The following MCOLN1 variants were observed in gnomAD, a reference collection of about 807,000 sequenced individuals.
MCOLN1 encodes the protein mucolipin TRP cation channel 1.
Under a neutral mutation model 70.3 loss-of-function variants are expected in MCOLN1, and 50 were observed. The observed-to-expected ratio is 0.71, with a 90% CI of 0.57 to 0.90. MCOLN1 has a LOEUF of 0.90. Ranked by LOEUF, MCOLN1 falls within the 40% of genes least tolerant of loss-of-function variation. MCOLN1 has a pLI of 0.00. For synonymous variants in MCOLN1, 366 were observed against 341.0 expected (o/e 1.07, Z -0.81); for missense variants, 598 against 803.5 (o/e 0.74, Z 3.09).
intron 12 of MCOLN1, among the ~76,000 whole-genome samples, chr19:7,532,262 T>C (rs1370888713): frequency 6.6e-6 from 1 of 152,170 alleles, no homozygotes; most frequent in African/African-American, 2.4e-5. Context: ...AGACATCCCA[T>C]GACCAATGAC....
chr19:7,529,501 G>GGGGCCCC, intron 10 of MCOLN1, 89 bp from the exon 11 acceptor site: 10 of 747,246 alleles, frequency 1.3e-5, no homozygotes, highest in East Asian at 2.9e-5. Context: ...CCTCGGCAAG[G>GGGGCCCC]CCCCGCCCCT....
chr19:7,529,438 T>G, intron 10 of MCOLN1, 152 bp from the exon 11 acceptor site: 1 of 1,047,410 alleles, frequency 9.5e-7, no homozygotes, highest in East Asian at 2.6e-5. Context: ...CCCTCAGACG[T>G]GGCCACGCCC....
chr19:7,528,928 C>G lies in MCOLN1; in HGVS notation c.1092C>G (p.Leu364=). 1 of 1,614,148 alleles carries G rather than the reference C, an allele frequency of 6.2e-7. No individual in the cohort carries two copies. Among genetic ancestry groups the G allele is most frequent in the Non-Finnish European group, 8.5e-7 (1 of 1,180,026 alleles). Residue 364 remains leucine, a synonymous_variant, in exon 9 of 14, where the codon CTC becomes CTG. Transcript: ENST00000264079. This position sits in a 1 kb window ranked among gnomAD's most constrained non-coding sequence, Gnocchi z 4.2. The stretch of plus-strand genomic sequence containing the variant: ...TCCTGCTCGTCACCAGCGATGTGCT[C>G]ACCATCTCGGGCACCATCATGAAGA... ...WYILLVTSDV[L]TISGTIMKIG...
rs530169769 is a variant in MCOLN1, at chr19:7,530,474, C to A, written c.1548C>A (p.Leu516=). The A allele has an allele frequency of 1.2e-6, 2 of 1,611,534 alleles. No homozygotes were observed. The highest frequency in any genetic ancestry group is 2.2e-5 in the South Asian group (2 of 91,082). The change falls in exon 12 of 14, where the codon CTC becomes CTA. Residue 516 remains leucine, a synonymous_variant. Coordinates refer to ENST00000264079, the MANE Select transcript of MCOLN1 (RefSeq NM_020533.3). ...IYMVLSLFIA[L]ITGAYDTIKH... Reference sequence around the variant, plus strand: ...TGGTGCTCAGCCTCTTCATCGCGCTCATCACCGGCGCCTACGACACCATCA... The same window carrying A: ...TGGTGCTCAGCCTCTTCATCGCGCTAATCACCGGCGCCTACGACACCATCA...
At position 7,526,397 on chromosome 19, in the gene MCOLN1, C is replaced by T. The variant is rs769956577; in HGVS notation, c.238-42C>T. ...GTGCCCTGAGGGAGATACACCCCAA[C>T]CCCCATCCTAGCCATGCCAACCTCT... On this transcript the variant is annotated intron_variant, in intron 2 of 13. Transcript: ENST00000264079. This position sits in a 1 kb window ranked among gnomAD's most constrained non-coding sequence, Gnocchi z 4.6. 9 of 1,612,422 alleles carry T rather than the reference C, an allele frequency of 5.6e-6. No homozygotes were observed. Among genetic ancestry groups the T allele is most frequent in the Middle Eastern group, 1.6e-4 (1 of 6,080 alleles).
Position 7,528,111 on chromosome 19 carries a change from G to A in MCOLN1, c.778-47G>A. On this transcript the variant is annotated intron_variant, in intron 6 of 13. Coordinates refer to ENST00000264079, the MANE Select transcript of MCOLN1 (RefSeq NM_020533.3). This position sits in a 1 kb window ranked among gnomAD's most constrained non-coding sequence, Gnocchi z 4.2. ...AGGCCACCTGTCATGTGGACCTTGG[G>A]GCTTGGGGCTGCCAAGGTTTACTCT... 1.3e-6 allele frequency: 2 copies of A among 1,596,208 alleles called. No individual in the cohort carries two copies. The highest frequency in any genetic ancestry group is 1.7e-6 in the Non-Finnish European group (2 of 1,163,842).
chr19:7,524,645 A>T lies in MCOLN1; in HGVS notation c.32-316A>T, dbSNP rs2022540619. Among the ~76,000 whole-genome samples, 1 of 152,124 alleles carries T rather than the reference A, an allele frequency of 6.6e-6. No homozygotes were observed. Among genetic ancestry groups the T allele is most frequent in the Non-Finnish European group, 1.5e-5 (1 of 68,016 alleles). ...AATGCTTCATAAGCATCCAGTCCTT[A>T]GCGTTCCCATGAGACATATTATTGC... On this transcript the variant is annotated intron_variant, in intron 1 of 13. Coordinates refer to ENST00000264079, the MANE Select transcript of MCOLN1 (RefSeq NM_020533.3). This position sits in a 1 kb window ranked among gnomAD's most constrained non-coding sequence, Gnocchi z 4.1.
At chr19:7,531,750 C>T (rs2022655907) in intron 12 of MCOLN1, among the ~76,000 whole-genome samples, 1 of 152,126 alleles carries the variant, frequency 6.6e-6, no homozygotes, top group Admixed American at 6.5e-5. Flanking sequence ...TCACTGCAAC[C>T]TCTGCCTCCC....
chr19:7,527,804 C>T (rs767208769), intron 5 of MCOLN1, 60 bp from the exon 6 acceptor site: 1 of 1,380,106 alleles, frequency 7.2e-7, no homozygotes, highest in East Asian at 2.3e-5. Flanking sequence ...GGGACGCTGG[C>T]ACTTGGGGCC....
At chr19:7,533,486 C>A in intron 12 of MCOLN1, 37 bp from the exon 13 acceptor site, 1 of 1,608,972 alleles carries the variant, frequency 6.2e-7, no homozygotes, top group African/African-American at 1.3e-5. Context: ...AGGTTGGGAG[C>A]CACTTTCAGG....
At chr19:7,523,417 G>C (rs751358416) in intron 1 of MCOLN1, among the ~76,000 whole-genome samples, 6 of 152,222 alleles carry the variant, frequency 3.9e-5, no homozygotes, top group Non-Finnish European at 8.8e-5. Context: ...CAGCTAGTAG[G>C]GTCTGGGGTG....
At position 7,525,475 on chromosome 19, in the gene MCOLN1, A is replaced by G; in HGVS notation, c.237+309A>G. On this transcript the variant is annotated intron_variant, in intron 2 of 13. Coordinates refer to ENST00000264079, the MANE Select transcript of MCOLN1 (RefSeq NM_020533.3). The surrounding 1 kb of genome is among the most constrained non-coding windows in gnomAD (Gnocchi z 4.2). ...GCCACTGCACTCCAGCCTGGGCAAC[A>G]GAGCAAGACTGTCTCAAAAAAAAAA... 5.9e-6 allele frequency: 2 copies of G among 339,932 alleles called. 1 individual carries two copies. The highest frequency in any genetic ancestry group is 4.7e-5 in the South Asian group (2 of 42,208). The allele number at this position is 339,932 out of a possible 1,614,324, so 21.1% of individuals were successfully genotyped here. A position where few individuals can be genotyped will look rare whatever the true frequency, so the allele number is the denominator to read the frequency against.
At chr19:7,522,810 C>A in intron 1 of MCOLN1, 29 bp downstream of exon 1, 1 of 1,318,386 alleles carries the variant, frequency 7.6e-7, no homozygotes, top group South Asian at 2.1e-5. Context: ...CCGTGGGGCC[C>A]CGAACTCAGG....
chr19:7,527,813 C>T, intron 5 of MCOLN1, 51 bp from the exon 6 acceptor site: 1 of 1,447,530 alleles, frequency 6.9e-7, no homozygotes, highest in Non-Finnish European at 9.7e-7. Context: ...GCACTTGGGG[C>T]CGGAAGGGAC....
Position 7,533,730 on chromosome 19 carries a change from C to T in MCOLN1, c.1707-29C>T, listed in dbSNP as rs762553982. 13 of 1,614,054 alleles carry T rather than the reference C, an allele frequency of 8.1e-6. No homozygotes were observed. In the Admixed American group the frequency reaches 2.2e-4, roughly 27 times the overall value. On this transcript the variant is annotated intron_variant, in intron 13 of 13. Transcript: ENST00000264079. Reference sequence around the variant, plus strand: ...AGGGGAGCGAGCCAGAGAAAACTGACGCCCCTCTTCCCTGCTTCCTTCCTC... The same window carrying T: ...AGGGGAGCGAGCCAGAGAAAACTGATGCCCCTCTTCCCTGCTTCCTTCCTC...
chr19:7,523,027 G>A (rs2022517315), intron 1 of MCOLN1, among the ~76,000 whole-genome samples: 1 of 152,116 alleles, frequency 6.6e-6, no homozygotes, highest in African/African-American at 2.4e-5. Flanking sequence ...CGGGCCGCCA[G>A]CTTCTCCCTC....
In MCOLN1 at chr19:7,525,534, G is replaced by T. The variant is rs2022556963; in HGVS notation, c.237+368G>T. On this transcript the variant is annotated intron_variant, in intron 2 of 13. Coordinates refer to ENST00000264079, the MANE Select transcript of MCOLN1 (RefSeq NM_020533.3). This position sits in a 1 kb window ranked among gnomAD's most constrained non-coding sequence, Gnocchi z 4.2. ...ACTCTGAGGCTCAGAGAGGTTAGGA[G>T]ACTTGCCCAAAGTCACACAGCAATA... 6.3e-5 allele frequency: 19 copies of T among 302,936 alleles called. No homozygotes were observed. Among genetic ancestry groups the T allele is most frequent in the South Asian group, 5.1e-4 (18 of 35,636 alleles). The allele number at this position is 302,936 out of a possible 1,614,324, so 18.8% of individuals were successfully genotyped here.
intron 12 of MCOLN1, among the ~76,000 whole-genome samples, chr19:7,531,468 T>C (rs2146026908): frequency 6.6e-6 from 1 of 152,198 alleles, no homozygotes; most frequent in African/African-American, 2.4e-5. Flanking sequence ...CCCAAGGTGC[T>C]GGGATTTCAG....
chr19:7,526,548 C>G lies in MCOLN1; in HGVS notation c.347C>G (p.Thr116Ser), dbSNP rs1470513109. 2 of 1,614,044 alleles carry G rather than the reference C, an allele frequency of 1.2e-6. No homozygotes were observed. The highest frequency in any genetic ancestry group is 3.3e-5 in the Admixed American group (2 of 60,002). ...GGCTACTCGGACGGAGCGGATGACA[C>G]CTTCGCAGCCTACACGCGGGAGCAG... ...LLGYSDGADD[T>S]FAAYTREQLY... The change falls in exon 3 of 14, where the codon ACC becomes AGC. Residue 116 changes from threonine to serine, a missense_variant. Around this residue, in one of 3 missense-constraint regions of MCOLN1, gnomAD observed 461 missense variants for 588.4 expected, o/e 0.78. Coordinates refer to ENST00000264079, the MANE Select transcript of MCOLN1 (RefSeq NM_020533.3). This position sits in a 1 kb window ranked among gnomAD's most constrained non-coding sequence, Gnocchi z 4.6.
Sources: gnomAD v4.1 joint callset for allele counts (sites outside exome capture counted in the v4.1 genomes callset) on GRCh38, gnomAD v4.1.1 for gene constraint, gnomAD v4.1.1 regional missense constraint, Gnocchi (gnomAD v3.1) non-coding constraint, MANE v1.5 for transcripts, NCBI Gene and HGNC (gene_info 2026-07-23, HGNC 2026-07-21) for gene names.